Variants in WDR70 observed in about 807,000 individuals in gnomAD.
The protein encoded by WDR70 is WD repeat-containing protein 70.
In WDR70, 53 loss-of-function variants were observed where a neutral mutation model predicts 88.6. The observed-to-expected ratio is 0.60, with a 90% CI of 0.48 to 0.75. WDR70 has a LOEUF of 0.75. Among genes scored for constraint, WDR70 ranks in the 30% least tolerant of loss-of-function variants. The pLI is 0.00. For synonymous variants in WDR70, 280 were observed against 270.0 expected, an observed-to-expected ratio of 1.04 and a Z score of -0.36; for missense variants, 610 against 823.2, an observed-to-expected ratio of 0.74 and a Z score of 3.17.
intron 5 of WDR70, among the ~76,000 whole-genome samples, chr5:37,430,859 A>G (rs1319196660): frequency 6.6e-6 from 1 of 151,292 alleles, no homozygotes; most frequent in Admixed American, 6.6e-5. Flanking sequence ...CGTGCCCAGC[A>G]TGTGTATGTA....
At chr5:37,690,929 C>A (rs544288420) in intron 10 of WDR70, among the ~76,000 whole-genome samples, 6 of 152,120 alleles carry the variant, frequency 3.9e-5, no homozygotes, top group African/African-American at 1.2e-4. Context: ...CACAGACTGG[C>A]AAATTGGATA....
At chr5:37,556,217 C>T (rs1419358372) in intron 9 of WDR70, among the ~76,000 whole-genome samples, 1 of 151,778 alleles carries the variant, frequency 6.6e-6, no homozygotes, top group Admixed American at 6.6e-5. Context: ...AAAATAGTCC[C>T]ACTTTCCAAA....
At chr5:37,676,043 A>G (rs538886481) in intron 10 of WDR70, among the ~76,000 whole-genome samples, 15 of 145,888 alleles carry the variant, frequency 1.0e-4, no homozygotes, top group East Asian at 4.0e-4. Flanking sequence ...TTTGTCTGTT[A>G]TTGGTGTATA....
intron 10 of WDR70, among the ~76,000 whole-genome samples, chr5:37,667,327 C>G (rs533519680): frequency 3.3e-5 from 5 of 152,088 alleles, no homozygotes; most frequent in African/African-American, 1.2e-4. Context: ...TACACATACC[C>G]CAGGAGGCTT....
intron 10 of WDR70, among the ~76,000 whole-genome samples, chr5:37,650,519 G>GA (rs144589665): frequency 6.6e-6 from 1 of 152,132 alleles, no homozygotes; most frequent in Non-Finnish European, 1.5e-5. Flanking sequence ...GTACATTAAT[G>GA]AAAAAATAGG....
At chr5:37,670,825 G>A (rs1036902684) in intron 10 of WDR70, among the ~76,000 whole-genome samples, 2 of 152,140 alleles carry the variant, frequency 1.3e-5, no homozygotes, top group South Asian at 2.1e-4. Flanking sequence ...AAACCTTCAC[G>A]GAATGGGGTC....
intron 10 of WDR70, among the ~76,000 whole-genome samples, chr5:37,660,653 T>C (rs980746351): frequency 1.3e-5 from 2 of 152,198 alleles, no homozygotes; most frequent in Admixed American, 1.3e-4. Flanking sequence ...GGTAAATCTT[T>C]TTCTGTTCTT....
chr5:37,717,243 A>G (rs1456566137), intron 13 of WDR70, among the ~76,000 whole-genome samples: 2 of 152,264 alleles, frequency 1.3e-5, no homozygotes, highest in Non-Finnish European at 2.9e-5. Flanking sequence ...GATTAGTGTA[A>G]GAATAAAACA....
At chr5:37,524,139 G>A (rs957112600) in intron 9 of WDR70, among the ~76,000 whole-genome samples, 1 of 152,108 alleles carries the variant, frequency 6.6e-6, no homozygotes, top group Non-Finnish European at 1.5e-5. Context: ...ACACCACAAA[G>A]ATACTCCTCG....
At chr5:37,694,403 G>T (rs979678290) in intron 10 of WDR70, among the ~76,000 whole-genome samples, 4 of 152,228 alleles carry the variant, frequency 2.6e-5, no homozygotes, top group African/African-American at 9.6e-5. Flanking sequence ...GCTCACGTAT[G>T]TTAATTGCGG....
rs371052933 is a variant in WDR70 at position 37,432,549 on chromosome 5, C to T, written c.493-5373C>T. On this transcript the variant is annotated intron_variant, in intron 5 of 17. Coordinates refer to ENST00000265107, the MANE Select transcript of WDR70 (RefSeq NM_018034.4). ...GACTACAGGCGTGTGCCACCACGCC[C>T]GGCTAATTTTTGTATTTTTTTTTTT... 1.6e-3 allele frequency among the ~76,000 whole-genome samples: 231 copies of T among 147,550 alleles called. 1 individual carries two copies. The highest frequency in any genetic ancestry group is 5.7e-3 in the African/African-American group (215 of 37,534).
chr5:37,523,625 A>G (rs1014914158), intron 9 of WDR70, among the ~76,000 whole-genome samples: 3 of 152,230 alleles, frequency 2.0e-5, no homozygotes, highest in African/African-American at 4.8e-5. Flanking sequence ...ACAAAGGTGG[A>G]TGGAGAATGA....
At chr5:37,446,444 A>C (rs540842083) in intron 7 of WDR70, among the ~76,000 whole-genome samples, 1 of 152,236 alleles carries the variant, frequency 6.6e-6, no homozygotes, top group Admixed American at 6.5e-5. Context: ...AACTACTTTA[A>C]AGTTCATATG....
At chr5:37,514,283 G>C (rs528994519) in intron 8 of WDR70, among the ~76,000 whole-genome samples, 1 of 138,018 alleles carries the variant, frequency 7.2e-6, no homozygotes, top group African/African-American at 2.6e-5. Flanking sequence ...CCTCCCAGAA[G>C]TGCTGGGATT....
intron 8 of WDR70, among the ~76,000 whole-genome samples, chr5:37,505,302 G>GT (rs746853128): frequency 6.6e-6 from 1 of 152,092 alleles, no homozygotes; most frequent in Non-Finnish European, 1.5e-5. Context: ...ATGTACCTTG[G>GT]TTTTTTGGTT....
intron 13 of WDR70, 106 bp downstream of exon 13, chr5:37,703,193 C>A: frequency 7.3e-7 from 1 of 1,363,966 alleles, no homozygotes; most frequent in Non-Finnish European, 1.0e-6. Flanking sequence ...GCCCTTAGAG[C>A]ACGGTGATAG....
At chr5:37,604,973 G>T in intron 9 of WDR70, 91 bp from the exon 10 acceptor site, 1 of 1,139,900 alleles carries the variant, frequency 8.8e-7, no homozygotes, top group Non-Finnish European at 1.2e-6. Flanking sequence ...CCAAAATGGC[G>T]AAGCAGTCTT....
At chr5:37,554,067 TA>T (rs1248668976) in intron 9 of WDR70, among the ~76,000 whole-genome samples, 1 of 152,064 alleles carries the variant, frequency 6.6e-6, no homozygotes, top group Non-Finnish European at 1.5e-5. Context: ...TTTGGTTAAT[TA>T]ATTTGTTGCA....
rs1188759027 is a variant in WDR70 at position 37,693,040 on chromosome 5, G to A, written c.1093-4615G>A. Among the ~76,000 whole-genome samples the A allele has an allele frequency of 2.6e-5, 4 of 151,904 alleles. No individual in the cohort carries two copies. In the East Asian group the frequency reaches 7.7e-4, roughly 29 times the overall value. ...AACTCTCGGGATACAAAATCCATGT[G>A]AAAAAATCACAAGCATTCCTATACA... On this transcript the variant is annotated intron_variant, in intron 10 of 17. Transcript: ENST00000265107.
Sources: allele counts gnomAD v4.1 joint callset (sites outside exome capture counted in the v4.1 genomes callset), GRCh38; gene constraint gnomAD v4.1.1; transcripts MANE v1.5; gene names NCBI Gene and HGNC (gene_info 2026-07-23, HGNC 2026-07-21).